Variants in THADA observed in about 807,000 individuals in gnomAD.
The protein encoded by THADA is tRNA (32-2'-O)-methyltransferase regulator THADA.
In THADA, 213 loss-of-function variants were observed where a neutral mutation model predicts 219.8. The observed-to-expected ratio is 0.97, with a 90% CI of 0.87 to 1.09. The LOEUF is 1.09. Ranked by LOEUF, THADA falls within the 50% of genes least tolerant of loss-of-function variation. The pLI is 0.00. For synonymous variants in THADA, 1,018 were observed against 828.9 expected (o/e 1.23, Z -3.92); for missense variants, 2,956 against 2,311.3 (o/e 1.28, Z -5.72).
chr2:43,306,669 T>G (rs1189281859), intron 31 of THADA, among the ~76,000 whole-genome samples: 3 of 152,182 alleles, frequency 2.0e-5, no homozygotes, highest in African/African-American at 7.2e-5. Context: ...TGTTGCAAGG[T>G]GCAGTATACA....
Position 43,403,296 on chromosome 2 carries a change from A to G in THADA, c.4059-5157T>C, listed in dbSNP as rs149868440. ...CACTGAGGTATGAACAACTTAGAGAACCAATCAGTCTCTAATTTGTAGACC... is the reference window on the plus strand; with the variant it reads ...CACTGAGGTATGAACAACTTAGAGAGCCAATCAGTCTCTAATTTGTAGACC... On this transcript the variant is annotated intron_variant, in intron 28 of 37. Transcript: ENST00000405975. Among the ~76,000 whole-genome samples, 841 of 152,322 alleles carry G rather than the reference A, an allele frequency of 5.5e-3. 8 individuals are homozygous for G. Among genetic ancestry groups the G allele is most frequent in the African/African-American group, 0.019 (790 of 41,560 alleles).
rs542227842 is a variant in THADA at position 43,276,984 on chromosome 2, G to A, written c.5296+2781C>T. Reference sequence around the variant, plus strand: ...GTTGAGATTACCCAACCCCCAACCAGTATTCTCATACATCAGTCCTCTCCT... The same window carrying A: ...GTTGAGATTACCCAACCCCCAACCAATATTCTCATACATCAGTCCTCTCCT... On this transcript the variant is annotated intron_variant, in intron 36 of 37. Transcript: ENST00000405975. Among the ~76,000 whole-genome samples, 3 of 152,160 alleles carry A rather than the reference G, an allele frequency of 2.0e-5. No individual in the cohort carries two copies. The East Asian group carries it at 5.8e-4, about 29-fold the overall frequency.
intron 31 of THADA, among the ~76,000 whole-genome samples, chr2:43,299,339 G>T (rs1675973353): frequency 6.6e-6 from 1 of 152,138 alleles, no homozygotes; most frequent in South Asian, 2.1e-4. Context: ...CCAATGGGAG[G>T]ACAAAGAACA....
At chr2:43,458,034 T>C (rs1282173552) in intron 26 of THADA, among the ~76,000 whole-genome samples, 1 of 151,824 alleles carries the variant, frequency 6.6e-6, no homozygotes, top group Non-Finnish European at 1.5e-5. Context: ...CAACCATAAA[T>C]AGAATGGCCA....
intron 26 of THADA, among the ~76,000 whole-genome samples, chr2:43,444,730 T>TG (rs371042813): frequency 0.011 from 1,702 of 150,432 alleles, 40 homozygotes; most frequent in African/African-American, 0.039. Flanking sequence ...GAAAAAAAGG[T>TG]GGGGGGGGAG....
intron 30 of THADA, chr2:43,333,211 C>T (rs1665991772): frequency 1.3e-5 from 2 of 152,140 alleles, no homozygotes; most frequent in South Asian, 4.1e-4. Context: ...ATTTAAAAAA[C>T]ACAAACAGGA....
chr2:43,566,880 G>C (rs1262155556), intron 14 of THADA, 59 bp from the exon 15 acceptor site: 14 of 1,263,812 alleles, frequency 1.1e-5, no homozygotes, highest in Non-Finnish European at 1.5e-5. Context: ...GTTATATTCA[G>C]AGTATTAAAC....
At chr2:43,416,455 A>G (rs1277812649) in intron 28 of THADA, among the ~76,000 whole-genome samples, 1 of 152,226 alleles carries the variant, frequency 6.6e-6, no homozygotes, top group Non-Finnish European at 1.5e-5. Flanking sequence ...AATGCTCCGG[A>G]CACTGTAGAA....
At chr2:43,546,968 A>G (rs1328033250) in intron 20 of THADA, among the ~76,000 whole-genome samples, 9 of 151,770 alleles carry the variant, frequency 5.9e-5, no homozygotes, top group Admixed American at 2.6e-4. Flanking sequence ...TCCTAGCCTC[A>G]ATGGTCTTTA....
chr2:43,584,189 T>A (rs551495474), intron 7 of THADA, among the ~76,000 whole-genome samples: 2 of 152,182 alleles, frequency 1.3e-5, no homozygotes, highest in East Asian at 3.9e-4. Flanking sequence ...AGGAAAAGAC[T>A]TTTTTAAAAA....
At chr2:43,571,228 C>A (rs1021405104) in intron 13 of THADA, among the ~76,000 whole-genome samples, 1 of 151,468 alleles carries the variant, frequency 6.6e-6, no homozygotes, top group African/African-American at 2.4e-5. Context: ...TGCACTCCAG[C>A]CTGGCTGACA....
At chr2:43,550,571 A>T (rs1003272445) in intron 19 of THADA, among the ~76,000 whole-genome samples, 1 of 152,182 alleles carries the variant, frequency 6.6e-6, no homozygotes, top group African/African-American at 2.4e-5. Context: ...AATGAAGACA[A>T]CCAGAGGTAA....
At chr2:43,233,728 C>A (rs941489191) in intron 36 of THADA, among the ~76,000 whole-genome samples, 1 of 152,064 alleles carries the variant, frequency 6.6e-6, no homozygotes, top group African/African-American at 2.4e-5. Context: ...TTAGACAATC[C>A]TAAATATGGG....
chr2:43,508,915 A>G (rs1690038041), intron 22 of THADA, 135 bp from the exon 23 acceptor site: 5 of 802,296 alleles, frequency 6.2e-6, no homozygotes, highest in South Asian at 2.1e-5. Context: ...AACATGTCTC[A>G]TACTTTTCAC....
intron 16 of THADA, among the ~76,000 whole-genome samples, chr2:43,559,171 A>T (rs933988292): frequency 1.3e-5 from 2 of 152,174 alleles, no homozygotes. Flanking sequence ...TCCTCTTTAA[A>T]AACTGTGTAT....
At chr2:43,487,198 T>C (rs1471024396) in intron 25 of THADA, among the ~76,000 whole-genome samples, 1 of 152,174 alleles carries the variant, frequency 6.6e-6, no homozygotes, top group Admixed American at 6.5e-5. Context: ...CCTGATCTAG[T>C]GAGGTAGTTC....
At chr2:43,297,617 C>T (rs1176927687) in intron 31 of THADA, among the ~76,000 whole-genome samples, 4 of 104,760 alleles carry the variant, frequency 3.8e-5, no homozygotes, top group East Asian at 4.8e-4. Flanking sequence ...GCCCCCCGCC[C>T]GGCCAGCCCC....
intron 1 of THADA, among the ~76,000 whole-genome samples, chr2:43,595,205 T>A (rs931576620): frequency 6.6e-6 from 1 of 152,204 alleles, no homozygotes; most frequent in African/African-American, 2.4e-5. Flanking sequence ...GCATTCTACA[T>A]CTAAGTGACA....
Position 43,232,961 on chromosome 2 carries a change from C to T in THADA, c.5297-79G>A, listed in dbSNP as rs971207363. Reference sequence around the variant, plus strand: ...AGGGCAGCCTGCAGGACCCTGGGAACAATAAAGGCCTCAGGTAAAATCGCT... The same window carrying T: ...AGGGCAGCCTGCAGGACCCTGGGAATAATAAAGGCCTCAGGTAAAATCGCT... On this transcript the variant is annotated intron_variant, in intron 36 of 37. Coordinates refer to ENST00000405975, the MANE Select transcript of THADA (RefSeq NM_022065.5). 3.4e-6 allele frequency: 5 copies of T among 1,449,656 alleles called. No individual in the cohort carries two copies. The Admixed American group carries it at 1.2e-4, about 34-fold the overall frequency. 89.8% of individuals were successfully genotyped at this position (1,449,656 alleles called of 1,614,324 possible). A position where few individuals can be genotyped will look rare whatever the true frequency, so the allele number is the denominator to read the frequency against.
Sources: gnomAD v4.1 joint callset for allele counts (sites outside exome capture counted in the v4.1 genomes callset) on GRCh38, gnomAD v4.1.1 for gene constraint, MANE v1.5 for transcripts, NCBI Gene and HGNC (gene_info 2026-07-23, HGNC 2026-07-21) for gene names.